The following CEP295 variants were observed in gnomAD, a reference collection of about 807,000 sequenced individuals.
The protein encoded by CEP295 is centrosomal protein 295.
A neutral mutation model predicts 291.6 loss-of-function variants in CEP295; 190 were observed. The ratio of observed to expected loss-of-function variants is 0.65; its 90% CI spans 0.58 to 0.73. CEP295 has a LOEUF of 0.73. Among genes scored for constraint, CEP295 ranks in the 30% least tolerant of loss-of-function variants. The probability of loss-of-function intolerance (pLI) is 0.00; values close to 1 mark genes in which losing one functional copy is unlikely to be tolerated. For synonymous variants in CEP295, 993 were observed against 1,038.8 expected, an observed-to-expected ratio of 0.96 and a Z score of 0.85; for missense variants, 2,863 against 2,949.4, an observed-to-expected ratio of 0.97 and a Z score of 0.68.
rs920399688 is a variant in CEP295, at chr11:93,668,865, T to C, written c.367T>C (p.Leu123=). 1.3e-5 allele frequency: 20 copies of C among 1,500,028 alleles called. No individual in the cohort carries two copies. Among genetic ancestry groups the C allele is most frequent in the African/African-American group, 1.1e-4 (8 of 71,326 alleles). The allele number at this position is 1,500,028 out of a possible 1,614,324, so 92.9% of individuals were successfully genotyped here. A position where few individuals can be genotyped will look rare whatever the true frequency, so the allele number is the denominator to read the frequency against. The change falls in exon 4 of 30, where the codon TTG becomes CTG. Residue 123 remains leucine, a synonymous_variant. Transcript: ENST00000325212. The part of the protein sequence containing the change: ...RAAERKRKAD[L]RHKEALKVQK... ...AGCAGAAAGGAAAAGAAAAGCAGAT[T>C]TGAGGCATAAAGAAGCCTTGAAAGT...
chr11:93,697,001 G>C lies in CEP295; in HGVS notation c.2089G>C (p.Asp697His), dbSNP rs1011124900. 5 of 1,551,466 alleles carry C rather than the reference G, an allele frequency of 3.2e-6. No homozygotes were observed. In the African/African-American group the frequency reaches 4.1e-5, roughly 13 times the overall value. The change falls in exon 15 of 30, where the codon GAT becomes CAT. Residue 697 changes from aspartate to histidine, a missense_variant. Asp to His is a moderately conservative substitution (Grantham distance 81). Transcript: ENST00000325212. ...AACAACAGAAACATTACGCGCTTCA[G>C]ATATTTTAACCAATCAAGCTTTAGA... The part of the protein sequence containing the change: ...VETTETLRAS[D>H]ILTNQALESQ...
At chr11:93,685,624 TC>T (rs1200526246) in intron 9 of CEP295, among the ~76,000 whole-genome samples, 1 of 152,244 alleles carries the variant, frequency 6.6e-6, no homozygotes, top group Non-Finnish European at 1.5e-5. Context: ...TGACTTGCCT[TC>T]CCTCCAAGCT....
At chr11:93,665,544 C>T (rs1950170775) in intron 1 of CEP295, among the ~76,000 whole-genome samples, 1 of 152,064 alleles carries the variant, frequency 6.6e-6, no homozygotes, top group Non-Finnish European at 1.5e-5. Flanking sequence ...CCTGTCTCTA[C>T]TAAAAATGCA....
chr11:93,726,826 T>C (rs2135353011), intron 23 of CEP295, 150 bp from the exon 24 acceptor site: 1 of 545,746 alleles, frequency 1.8e-6, no homozygotes, highest in South Asian at 3.4e-5. Flanking sequence ...GTGACCATCC[T>C]TATCTTTGTA....
chr11:93,697,331 A>G lies in CEP295; in HGVS notation c.2419A>G (p.Ile807Val), dbSNP rs778241939. The G allele has an allele frequency of 1.3e-5, 20 of 1,551,622 alleles. 1 individual carries two copies. The South Asian group carries it at 2.1e-4, about 17-fold the overall frequency. Residue 807 changes from isoleucine (I) to valine (V), a missense_variant, in exon 15 of 30, where the codon ATT (isoleucine) becomes GTT (valine). Coordinates refer to ENST00000325212, the MANE Select transcript of CEP295 (RefSeq NM_033395.2). ...SLPVKVESGK[I>V]QEPFSAMSKS... ...GCCTGTTAAAGTTGAGTCAGGAAAAATTCAAGAACCCTTTTCAGCCATGAG... is the reference window on the plus strand; with the variant it reads ...GCCTGTTAAAGTTGAGTCAGGAAAAGTTCAAGAACCCTTTTCAGCCATGAG...
At chr11:93,722,419 G>T (rs1023018221) in intron 20 of CEP295, 8 of 191,408 alleles carry the variant, frequency 4.2e-5, no homozygotes, top group African/African-American at 1.7e-4. Context: ...CCACAATCAC[G>T]CCACTGCACT....
In CEP295 at chr11:93,698,426, A is replaced by C; in HGVS notation, c.3514A>C (p.Ile1172Leu). ...NLTILQEQSQ[I>L]QRVILGAKEG... Reference sequence around the variant, plus strand: ...GACAATACTCCAAGAACAGTCACAAATACAAAGGGTAATACTTGGTGCTAA... The same window carrying C: ...GACAATACTCCAAGAACAGTCACAACTACAAAGGGTAATACTTGGTGCTAA... The change falls in exon 15 of 30, where the codon ATA (isoleucine) becomes CTA (leucine). Residue 1172 changes from isoleucine (I) to leucine (L), a missense_variant. Coordinates refer to ENST00000325212, the MANE Select transcript of CEP295 (RefSeq NM_033395.2). 6.4e-7 allele frequency: 1 copy of C among 1,552,136 alleles called. No individual in the cohort carries two copies. The highest frequency in any genetic ancestry group is 8.7e-7 in the Non-Finnish European group (1 of 1,147,082).
intron 5 of CEP295, among the ~76,000 whole-genome samples, chr11:93,672,242 G>C (rs1230800875): frequency 6.6e-6 from 1 of 152,108 alleles, no homozygotes; most frequent in Non-Finnish European, 1.5e-5. Flanking sequence ...AACTGTTCAA[G>C]TTAACTACTT....
chr11:93,699,789 T>C lies in CEP295; in HGVS notation c.4877T>C (p.Leu1626Ser). 1 of 1,552,228 alleles carries C rather than the reference T, an allele frequency of 6.4e-7. No homozygotes were observed. The highest frequency in any genetic ancestry group is 1.2e-5 in the South Asian group (1 of 84,068). The change falls in exon 15 of 30, where the codon TTA becomes TCA. Residue 1626 changes from leucine to serine, a missense_variant. Physicochemically the swap from Leu to Ser is moderately radical, Grantham distance 145. Coordinates refer to ENST00000325212, the MANE Select transcript of CEP295 (RefSeq NM_033395.2). Reference sequence around the variant, plus strand: ...GAGAAACCCCAGGAAGAACTGTCTTTAAACAAACAAAGAAAGTTGAACAAA... The same window carrying C: ...GAGAAACCCCAGGAAGAACTGTCTTCAAACAAACAAAGAAAGTTGAACAAA... ...SYEKPQEELSLNKQRKLNKSE... is the reference protein window; with the variant it reads ...SYEKPQEELSSNKQRKLNKSE...
chr11:93,669,692 A>G lies in CEP295; in HGVS notation c.450A>G (p.Arg150=). ...GTTTCTTAAGGCATATAAAAGCTCG[A>G]AAGGAAGCACTGCTTGTGGAAAAAG... ...LKQKTWHIKA[R]KEALLVEKER... The change falls in exon 5 of 30, where the codon CGA becomes CGG. Residue 150 remains arginine, a synonymous_variant. Coordinates refer to ENST00000325212, the MANE Select transcript of CEP295 (RefSeq NM_033395.2). 1 of 1,550,294 alleles carries G rather than the reference A, an allele frequency of 6.5e-7. No homozygotes were observed.
intron 7 of CEP295, 89 bp from the exon 8 acceptor site, chr11:93,683,470 T>A: frequency 1.1e-6 from 1 of 920,290 alleles, no homozygotes; most frequent in Non-Finnish European, 1.6e-6. Flanking sequence ...GCTTAGACCC[T>A]GATCCTCATT....
At chr11:93,693,616 C>A (rs10734163) in intron 12 of CEP295, among the ~76,000 whole-genome samples, 1 of 152,140 alleles carries the variant, frequency 6.6e-6, no homozygotes, top group East Asian at 1.9e-4. Flanking sequence ...AGTATCTGGG[C>A]GTGGTGGTAC....
Position 93,724,344 on chromosome 11 carries a change from G to T in CEP295, c.6287G>T (p.Gly2096Val). ...TTTGACTTATCATCATCATCCTCTG[G>T]GATTTCTCCAGACAACAGAGACTTT... ...PDFDLSSSSS[G>V]ISPDNRDFYQ... The change falls in exon 22 of 30, where the codon GGG becomes GTG. Residue 2096 changes from glycine to valine, a missense_variant. Physicochemically the swap from Gly to Val is moderately radical, Grantham distance 109. Coordinates refer to ENST00000325212, the MANE Select transcript of CEP295 (RefSeq NM_033395.2). 2 of 1,550,032 alleles carry T rather than the reference G, an allele frequency of 1.3e-6. No individual in the cohort carries two copies. The highest frequency in any genetic ancestry group is 1.7e-6 in the Non-Finnish European group (2 of 1,145,638).
intron 1 of CEP295, among the ~76,000 whole-genome samples, chr11:93,665,936 G>C (rs1263660311): frequency 6.6e-6 from 1 of 152,184 alleles, no homozygotes; most frequent in Admixed American, 6.5e-5. Context: ...CAGCAACCTT[G>C]CTAGTTATGA....
At position 93,666,608 on chromosome 11, in the gene CEP295, A is replaced by G. The variant is rs1380574481; in HGVS notation, c.-26-74A>G. ...GACTCTGTCTCAAAAAAAAACAAACAAAATTATTCTAATCTTTGCTGCCCT... is the reference window on the plus strand; with the variant it reads ...GACTCTGTCTCAAAAAAAAACAAACGAAATTATTCTAATCTTTGCTGCCCT... On this transcript the variant is annotated intron_variant, in intron 1 of 29. Coordinates refer to ENST00000325212, the MANE Select transcript of CEP295 (RefSeq NM_033395.2). 4 of 640,318 alleles carry G rather than the reference A, an allele frequency of 6.2e-6. No individual in the cohort carries two copies. The South Asian group carries it at 6.9e-5, about 11-fold the overall frequency. 39.7% of individuals were successfully genotyped at this position (640,318 alleles called of 1,614,324 possible).
intron 9 of CEP295, among the ~76,000 whole-genome samples, chr11:93,685,688 G>C (rs999127712): frequency 3.6e-5 from 5 of 137,214 alleles, no homozygotes; most frequent in Non-Finnish European, 7.9e-5. Flanking sequence ...TTTCATGCCA[G>C]GTCAGCTGTG....
intron 15 of CEP295, among the ~76,000 whole-genome samples, chr11:93,702,096 T>C (rs1591077769): frequency 6.6e-6 from 1 of 152,078 alleles, no homozygotes; most frequent in African/African-American, 2.4e-5. Flanking sequence ...GTAGCCAGGA[T>C]TACAGGCATG....
At chr11:93,723,426 A>G in intron 21 of CEP295, 137 bp downstream of exon 21, 1 of 649,218 alleles carries the variant, frequency 1.5e-6, no homozygotes, top group Middle Eastern at 4.4e-4. Context: ...ACCACAGAAT[A>G]TATTGAGGGC....
Position 93,697,365 on chromosome 11 carries a change from C to G in CEP295, c.2453C>G (p.Thr818Arg). ...QEPFSAMSKS[T>R]VSTSHSIISQ... ...CCCTTTTCAGCCATGAGCAAAAGTA[C>G]AGTTTCCACAAGCCATTCTATAATC... Residue 818 changes from threonine (T) to arginine (R), a missense_variant, in exon 15 of 30, where the codon ACA becomes AGA. Around this residue, in one of 3 missense-constraint regions of CEP295, gnomAD observed 2,295 missense variants for 2,335.7 expected, o/e 0.98. Coordinates refer to ENST00000325212, the MANE Select transcript of CEP295 (RefSeq NM_033395.2). 6.4e-7 allele frequency: 1 copy of G among 1,551,928 alleles called. No homozygotes were observed. Among genetic ancestry groups the G allele is most frequent in the East Asian group, 2.4e-5 (1 of 40,928 alleles).
Sources: allele counts gnomAD v4.1 joint callset (sites outside exome capture counted in the v4.1 genomes callset), GRCh38; gene constraint gnomAD v4.1.1; regional missense constraint gnomAD v4.1.1; transcripts MANE v1.5; gene names NCBI Gene and HGNC (gene_info 2026-07-23, HGNC 2026-07-21).